Variants in ATAD1 observed in about 807,000 individuals in gnomAD.
The protein encoded by ATAD1 is ATPase family AAA domain containing 1, also known as outer mitochondrial transmembrane helix translocase.
ATAD1 carries 18 observed loss-of-function variants against 42.7 expected under a neutral mutation model. That is an observed-to-expected ratio of 0.42 (90% CI 0.29 to 0.63). The LOEUF is 0.63. Among genes scored for constraint, ATAD1 ranks in the 20% least tolerant of loss-of-function variants. The pLI, the probability that ATAD1 is intolerant of heterozygous loss-of-function variation, is 0.19. For synonymous variants in ATAD1, 132 were observed against 143.1 expected, an observed-to-expected ratio of 0.92 and a Z score of 0.55; for missense variants, 294 against 440.4, an observed-to-expected ratio of 0.67 and a Z score of 2.98.
intron 4 of ATAD1, among the ~76,000 whole-genome samples, chr10:87,789,043 A>G (rs1855970661): frequency 1.3e-5 from 2 of 152,212 alleles, no homozygotes; most frequent in Non-Finnish European, 2.9e-5. Context: ...CACTTACCAG[A>G]AACAAAAATT....
At chr10:87,761,456 G>A (rs924486198) in intron 8 of ATAD1, among the ~76,000 whole-genome samples, 9 of 152,072 alleles carry the variant, frequency 5.9e-5, no homozygotes, top group African/African-American at 1.9e-4. Flanking sequence ...GAGCTCAGGA[G>A]TTCTAGACCA....
intron 2 of ATAD1, among the ~76,000 whole-genome samples, chr10:87,809,939 C>G (rs969752609): frequency 6.6e-6 from 1 of 152,026 alleles, no homozygotes; most frequent in African/African-American, 2.4e-5. Context: ...AGCCACCGTG[C>G]CCGGCCCTTG....
At chr10:87,788,071 C>T (rs757798260) in intron 4 of ATAD1, among the ~76,000 whole-genome samples, 2 of 152,032 alleles carry the variant, frequency 1.3e-5, no homozygotes, top group Admixed American at 6.6e-5. Flanking sequence ...TAAATATAAC[C>T]GTCAATATCT....
At chr10:87,815,975 A>G (rs1217438879) in intron 1 of ATAD1, among the ~76,000 whole-genome samples, 1 of 152,104 alleles carries the variant, frequency 6.6e-6, no homozygotes, top group African/African-American at 2.4e-5. Context: ...ATTTACCCTC[A>G]TTCACCTAGG....
chr10:87,779,873 G>A (rs1402023478), intron 5 of ATAD1, among the ~76,000 whole-genome samples: 1 of 152,138 alleles, frequency 6.6e-6, no homozygotes, highest in Non-Finnish European at 1.5e-5. Flanking sequence ...TATTGCTGGT[G>A]GAAATGCAAA....
At position 87,752,654 on chromosome 10, in the gene ATAD1, T is replaced by C. The variant is rs1001290489; in HGVS notation, c.*2033A>G. The C allele has an allele frequency of 6.6e-6, 1 of 152,120 alleles. No individual in the cohort carries two copies. The highest frequency in any genetic ancestry group is 2.4e-5 in the African/African-American group (1 of 41,428). The allele number at this position is 152,120 out of a possible 1,614,324, so 9.4% of individuals were successfully genotyped here. On this transcript the variant is annotated 3_prime_UTR_variant, in exon 10 of 10. Coordinates refer to ENST00000680024, the MANE Select transcript of ATAD1 (RefSeq NM_001321967.2). Reference sequence around the variant, plus strand: ...TCTTAGAATCTAGAATTCAACTATATGTGAAATGCATGTCTAAAACAGAAG... The same window carrying C: ...TCTTAGAATCTAGAATTCAACTATACGTGAAATGCATGTCTAAAACAGAAG...
chr10:87,772,090 TA>T (rs1303230483), intron 6 of ATAD1, among the ~76,000 whole-genome samples: 1 of 152,218 alleles, frequency 6.6e-6, no homozygotes, highest in Non-Finnish European at 1.5e-5. Flanking sequence ...GAAGAAAATA[TA>T]AACACAAATT....
Position 87,784,500 on chromosome 10 carries a change from G to C in ATAD1, c.553C>G (p.Gln185Glu), listed in dbSNP as rs1251856058. The C allele has an allele frequency of 6.2e-7, 1 of 1,613,484 alleles. No individual in the cohort carries two copies. Among genetic ancestry groups the C allele is most frequent in the Non-Finnish European group, 8.5e-7 (1 of 1,179,726 alleles). ...TCATCTATAAAGATGATGGATGGTT[G>C]TAGCTTTATGGCAAGGGAGAAGACA... is the stretch of plus-strand genomic sequence containing the variant. ...AAVFSLAIKLQPSIIFIDEID... is the reference protein window; with the variant it reads ...AAVFSLAIKLEPSIIFIDEID... Residue 185 changes from glutamine to glutamate, a missense_variant, in exon 5 of 10, where the codon CAA becomes GAA. This residue lies in a region of ATAD1 where 31 missense variants were observed against 78.6 expected (regional missense o/e 0.39). Coordinates refer to ENST00000680024, the MANE Select transcript of ATAD1 (RefSeq NM_001321967.2).
Position 87,753,835 on chromosome 10 carries a change from C to T in ATAD1, c.*852G>A, listed in dbSNP as rs1854109104. The T allele has an allele frequency of 6.6e-6, 1 of 152,500 alleles. No homozygotes were observed. Among genetic ancestry groups the T allele is most frequent in the South Asian group, 2.1e-4 (1 of 4,828 alleles). The allele number at this position is 152,500 out of a possible 1,614,324, so 9.4% of individuals were successfully genotyped here. ...TAAATGAAAAAAGGAAAGAAATGTA[C>T]ATGTATTAAAGGGTACTGAGGTTTT... is the stretch of plus-strand genomic sequence containing the variant. On this transcript the variant is annotated 3_prime_UTR_variant, in exon 10 of 10. Coordinates refer to ENST00000680024, the MANE Select transcript of ATAD1 (RefSeq NM_001321967.2).
intron 1 of ATAD1, among the ~76,000 whole-genome samples, chr10:87,837,114 A>G (rs1490583445): frequency 6.6e-6 from 1 of 152,204 alleles, no homozygotes; most frequent in Non-Finnish European, 1.5e-5. Context: ...AGCTATAGTC[A>G]GCTAATTCCA....
rs1452313559 is a variant in ATAD1, at chr10:87,808,775, G to A, written c.162+5663C>T. ...ACTCCTGGGATAAATCCAACTGGTCGCATTATATTTTTTCTATATTGCTGA... is the reference window on the plus strand; with the variant it reads ...ACTCCTGGGATAAATCCAACTGGTCACATTATATTTTTTCTATATTGCTGA... On this transcript the variant is annotated intron_variant, in intron 2 of 9. Coordinates refer to ENST00000680024, the MANE Select transcript of ATAD1 (RefSeq NM_001321967.2). 7.2e-5 allele frequency among the ~76,000 whole-genome samples: 11 copies of A among 152,198 alleles called. 1 individual carries two copies. The highest frequency in any genetic ancestry group is 1.3e-4 in the Admixed American group (2 of 15,306).
chr10:87,832,831 T>C (rs1054105653), intron 1 of ATAD1: 2 of 152,198 alleles, frequency 1.3e-5, no homozygotes, highest in East Asian at 3.9e-4. Flanking sequence ...GATGAGAGTC[T>C]TGCTATGTTA....
chr10:87,821,035 G>T (rs1857621760), upstream of ATAD1, among the ~76,000 whole-genome samples: 1 of 152,242 alleles, frequency 6.6e-6, no homozygotes, highest in East Asian at 1.9e-4. Context: ...ATATTAAAAA[G>T]AATTATTACT....
intron 5 of ATAD1, among the ~76,000 whole-genome samples, chr10:87,781,684 A>G (rs1423253806): frequency 6.6e-6 from 1 of 152,084 alleles, no homozygotes; most frequent in Non-Finnish European, 1.5e-5. Flanking sequence ...TCTGTTGCCC[A>G]GGCTGCAGTG....
intron 2 of ATAD1, among the ~76,000 whole-genome samples, chr10:87,799,309 G>C (rs1022454407): frequency 6.6e-6 from 1 of 152,136 alleles, no homozygotes; most frequent in Non-Finnish European, 1.5e-5. Flanking sequence ...CTTTGCTTGC[G>C]TAATTGTTAA....
intron 1 of ATAD1, among the ~76,000 whole-genome samples, chr10:87,836,246 C>A (rs180783709): frequency 1.7e-3 from 259 of 152,252 alleles, no homozygotes; most frequent in African/African-American, 6.0e-3. Context: ...CCCACCTCAG[C>A]TTCCGAGTCG....
At chr10:87,805,989 T>G (rs1856904754) in intron 2 of ATAD1, among the ~76,000 whole-genome samples, 2 of 152,172 alleles carry the variant, frequency 1.3e-5, no homozygotes, top group African/African-American at 4.8e-5. Context: ...TCTCCTTCTT[T>G]GGCTATGGTG....
chr10:87,803,306 A>C (rs1430616925), intron 2 of ATAD1, among the ~76,000 whole-genome samples: 1 of 152,224 alleles, frequency 6.6e-6, no homozygotes, highest in Non-Finnish European at 1.5e-5. Flanking sequence ...ATTTTCTTCT[A>C]AATATGCTTT....
upstream of ATAD1, chr10:87,818,292 C>T: frequency 1.0e-6 from 1 of 983,380 alleles, no homozygotes; most frequent in Non-Finnish European, 1.2e-6. Flanking sequence ...ATGCGCGACC[C>T]GCGGTCGCCG....
Sources: gnomAD v4.1 joint callset for allele counts (sites outside exome capture counted in the v4.1 genomes callset) on GRCh38, gnomAD v4.1.1 for gene constraint, gnomAD v4.1.1 regional missense constraint, MANE v1.5 for transcripts, NCBI Gene and HGNC (gene_info 2026-07-23, HGNC 2026-07-21) for gene names.